Variants in TTC6 observed in about 807,000 individuals in gnomAD.
TTC6 encodes the protein tetratricopeptide repeat protein 6.
Under a neutral mutation model 210.4 loss-of-function variants are expected in TTC6, and 172 were observed. That is an observed-to-expected ratio of 0.82 (90% CI 0.72 to 0.93). The LOEUF is 0.93. Among genes scored for constraint, TTC6 ranks in the 40% least tolerant of loss-of-function variants. TTC6 has a pLI of 0.00. For missense variants in TTC6, 2,414 were observed against 2,318.1 expected (o/e 1.04, Z -0.85); for synonymous variants, 804 against 819.6 (o/e 0.98, Z 0.32).
intron 29 of TTC6, among the ~76,000 whole-genome samples, chr14:37,839,109 G>A (rs1179584573): frequency 1.3e-5 from 2 of 152,152 alleles, no homozygotes; most frequent in Non-Finnish European, 2.9e-5. Flanking sequence ...ATAAACATAC[G>A]TGTGCATGTG....
intron 25 of TTC6, among the ~76,000 whole-genome samples, chr14:37,815,726 G>C (rs1271280434): frequency 6.6e-6 from 1 of 152,050 alleles, no homozygotes; most frequent in African/African-American, 2.4e-5. Context: ...GTGGCTGTGT[G>C]GTTTGTTATT....
intron 28 of TTC6, among the ~76,000 whole-genome samples, chr14:37,826,763 AC>A (rs1168235774): frequency 2.0e-5 from 3 of 152,204 alleles, no homozygotes; most frequent in African/African-American, 7.2e-5. Flanking sequence ...ACTCTTCTTT[AC>A]TTCTAGCTTT....
At chr14:37,761,328 C>G (rs144866589) in intron 14 of TTC6, among the ~76,000 whole-genome samples, 295 of 151,908 alleles carry the variant, frequency 1.9e-3, no homozygotes, top group African/African-American at 6.6e-3. Flanking sequence ...TTGGCTGCAC[C>G]CACTGCCTAA....
At chr14:37,768,231 G>C (rs916016664) in intron 14 of TTC6, among the ~76,000 whole-genome samples, 3 of 151,380 alleles carry the variant, frequency 2.0e-5, no homozygotes, top group Admixed American at 2.0e-4. Flanking sequence ...AAGTCAGGTA[G>C]AGTGATGCCT....
chr14:37,688,690 A>G (rs971419273), intron 3 of TTC6, among the ~76,000 whole-genome samples: 8 of 152,302 alleles, frequency 5.3e-5, no homozygotes, highest in African/African-American at 1.9e-4. Context: ...ATTCTTCCAG[A>G]TCTTGTTCAA....
intron 3 of TTC6, among the ~76,000 whole-genome samples, chr14:37,691,678 A>G (rs1258902326): frequency 2.0e-5 from 3 of 152,170 alleles, no homozygotes; most frequent in Non-Finnish European, 4.4e-5. Context: ...TAGTGGAAGC[A>G]AAGAATAAAG....
At chr14:37,643,644 C>T (rs1374297244) in intron 1 of TTC6, among the ~76,000 whole-genome samples, 1 of 152,112 alleles carries the variant, frequency 6.6e-6, no homozygotes, top group Non-Finnish European at 1.5e-5. Context: ...CTTTTTTAGA[C>T]CTCACAGATA....
chr14:37,705,361 T>C (rs962807668), intron 5 of TTC6, among the ~76,000 whole-genome samples: 1 of 152,140 alleles, frequency 6.6e-6, no homozygotes, highest in Admixed American at 6.6e-5. Flanking sequence ...AATAAAAATA[T>C]TTTAACAAAT....
chr14:37,802,049 G>A (rs1008201272), intron 20 of TTC6: 2 of 152,144 alleles, frequency 1.3e-5, no homozygotes, highest in African/African-American at 4.8e-5. Context: ...ACACACGATG[G>A]AATATTATGC....
At chr14:37,804,580 G>A (rs2096114079) in intron 20 of TTC6, 100 bp from the exon 23 acceptor site, 1 of 1,420,336 alleles carries the variant, frequency 7.0e-7, no homozygotes, top group East Asian at 2.3e-5. Context: ...AAGAGTAGAG[G>A]TGTGTGCTCT....
At chr14:37,786,326 C>A (rs987517500) in intron 14 of TTC6, among the ~76,000 whole-genome samples, 7 of 152,332 alleles carry the variant, frequency 4.6e-5, no homozygotes, top group African/African-American at 1.7e-4. Flanking sequence ...TCAGCAATGG[C>A]AGCCGCCCCT....
chr14:37,616,413 T>A (rs985169817), intron 2 of TTC6, among the ~76,000 whole-genome samples: 9 of 152,224 alleles, frequency 5.9e-5, no homozygotes, highest in African/African-American at 2.2e-4. Flanking sequence ...CCAGGCCAGT[T>A]TACACAAATG....
intron 1 of TTC6, among the ~76,000 whole-genome samples, chr14:37,673,719 C>G (rs1426451719): frequency 6.6e-6 from 1 of 152,100 alleles, no homozygotes; most frequent in Non-Finnish European, 1.5e-5. Flanking sequence ...AGCCTCAAAG[C>G]TTTGGTTTCA....
At chr14:37,773,446 T>G (rs2096026915) in intron 14 of TTC6, among the ~76,000 whole-genome samples, 1 of 152,122 alleles carries the variant, frequency 6.6e-6, no homozygotes, top group African/African-American at 2.4e-5. Context: ...GTATATACTG[T>G]AAGGTAGGGG....
rs547865666 is a variant in TTC6 at position 37,814,219 on chromosome 14, A to G, written c.4689+1786A>G. Among the ~76,000 whole-genome samples, 37 of 151,992 alleles carry G rather than the reference A, an allele frequency of 2.4e-4. No homozygotes were observed. The South Asian group carries it at 7.3e-3, about 30-fold the overall frequency. ...CATTGTCAAACATTCTCTTCTCTCC[A>G]CTAGTCATGCCACCCTGGCCTTTTC... is the stretch of plus-strand genomic sequence containing the variant. On this transcript the variant is annotated intron_variant, in intron 25 of 30. Coordinates refer to ENST00000553443, the Ensembl canonical transcript of TTC6.
chr14:37,801,018 T>A (rs2139386860), intron 20 of TTC6, among the ~76,000 whole-genome samples: 1 of 152,286 alleles, frequency 6.6e-6, no homozygotes, highest in East Asian at 1.9e-4. Context: ...TGAAACCTAA[T>A]CAAGAGACTG....
intron 1 of TTC6, among the ~76,000 whole-genome samples, chr14:37,624,882 A>G (rs553327646): frequency 1.3e-5 from 2 of 152,080 alleles, no homozygotes; most frequent in East Asian, 3.9e-4. Context: ...CGGCCTCCCA[A>G]AGTGCTAGGA....
chr14:37,781,926 C>T (rs542498802), intron 14 of TTC6, among the ~76,000 whole-genome samples: 2 of 152,244 alleles, frequency 1.3e-5, no homozygotes, highest in South Asian at 4.1e-4. Flanking sequence ...TGTCAAAGAT[C>T]AGATGGTTGT....
At chr14:37,837,213 G>T (rs1438649120) in intron 29 of TTC6, 1 of 243,180 alleles carries the variant, frequency 4.1e-6, no homozygotes, top group Non-Finnish European at 8.4e-6. Flanking sequence ...TCTTACCTGA[G>T]AAAAAGAATT....
Sources: allele counts gnomAD v4.1 joint callset (sites outside exome capture counted in the v4.1 genomes callset), GRCh38; gene constraint gnomAD v4.1.1; transcripts MANE v1.5; gene names NCBI Gene and HGNC (gene_info 2026-07-23, HGNC 2026-07-21).